The following KCNA6 variants were observed in gnomAD, a reference collection of about 807,000 sequenced individuals.
KCNA6 encodes the protein potassium voltage-gated channel subfamily A member 6.
In KCNA6, 17 loss-of-function variants were observed where a neutral mutation model predicts 29.5. The ratio of observed to expected loss-of-function variants is 0.58; its 90% CI spans 0.39 to 0.86. KCNA6 has a LOEUF of 0.86. Among genes scored for constraint, KCNA6 ranks in the 40% least tolerant of loss-of-function variants. The pLI is 0.00. For missense variants in KCNA6, 450 were observed against 703.4 expected (o/e 0.64, Z 4.07); for synonymous variants, 296 against 304.7 (o/e 0.97, Z 0.30).
the KCNA6 span, among the ~76,000 whole-genome samples, chr12:4,820,306 C>T: frequency 2.0e-5 from 3 of 152,000 alleles, no homozygotes; most frequent in African/African-American, 7.3e-5. Context: ...TGTTTCCAGC[C>T]AAACTAGAAT....
downstream of KCNA6, chr12:4,813,537 C>T (rs1741103787): frequency 6.0e-6 from 1 of 167,060 alleles, no homozygotes; most frequent in Admixed American, 6.5e-5. Flanking sequence ...GGACTGAGCC[C>T]CTCAGCCTTT....
chr12:4,831,745 T>C, the KCNA6 span, among the ~76,000 whole-genome samples: 1 of 152,244 alleles, frequency 6.6e-6, no homozygotes, highest in African/African-American at 2.4e-5. Context: ...AAATAATCTC[T>C]TATGAGAGCT....
chr12:4,832,602 C>T, the KCNA6 span, among the ~76,000 whole-genome samples: 1 of 152,148 alleles, frequency 6.6e-6, no homozygotes, highest in Admixed American at 6.5e-5. Context: ...ACTGTTTTGT[C>T]CTTGTTATGT....
At chr12:4,847,249 C>T in the KCNA6 span, among the ~76,000 whole-genome samples, 1 of 152,122 alleles carries the variant, frequency 6.6e-6, no homozygotes, top group African/African-American at 2.4e-5. Flanking sequence ...TTTCATGATG[C>T]TATACCTTGA....
exon 1 of KCNA6, chr12:4,809,373 G>A (rs1946596529): frequency 6.6e-6 from 1 of 151,832 alleles, no homozygotes; most frequent in African/African-American, 2.4e-5. Flanking sequence ...GGCGGCGGCA[G>A]CGAAGCCTTG....
At chr12:4,818,943 CACAT>C in the KCNA6 span, among the ~76,000 whole-genome samples, 4 of 152,080 alleles carry the variant, frequency 2.6e-5, no homozygotes, top group African/African-American at 7.2e-5. Flanking sequence ...CAAAAACACA[CACAT>C]ACACATATAT....
At chr12:4,838,564 C>G in the KCNA6 span, among the ~76,000 whole-genome samples, 8 of 152,210 alleles carry the variant, frequency 5.3e-5, no homozygotes, top group Non-Finnish European at 1.2e-4. Context: ...ATGAGAAACT[C>G]TGTTATGTCT....
At chr12:4,817,403 G>A (rs1946692809), downstream of KCNA6, among the ~76,000 whole-genome samples, 1 of 152,132 alleles carries the variant, frequency 6.6e-6, no homozygotes, top group African/African-American at 2.4e-5. Flanking sequence ...TCCTGTGCTG[G>A]CCTTGAGTGA....
the KCNA6 span, among the ~76,000 whole-genome samples, chr12:4,835,954 T>G: frequency 6.6e-6 from 1 of 150,792 alleles, no homozygotes; most frequent in Non-Finnish European, 1.5e-5. Flanking sequence ...TTTTTTTTTT[T>G]TTTTGACGGA....
At chr12:4,814,864 T>C (rs527282543), downstream of KCNA6, 7 of 166,580 alleles carry the variant, frequency 4.2e-5, no homozygotes, top group East Asian at 1.3e-3. This position sits in a 1 kb window ranked among gnomAD's most constrained non-coding sequence, Gnocchi z 4.6. Context: ...AGAGAGAAAG[T>C]GGGGAAGCGT....
the KCNA6 span, among the ~76,000 whole-genome samples, chr12:4,832,752 T>C: frequency 6.6e-6 from 1 of 152,110 alleles, no homozygotes; most frequent in Admixed American, 6.5e-5. Flanking sequence ...TCCTCATGAC[T>C]CGAAATCCTA....
At chr12:4,828,700 C>CAGAAGT in the KCNA6 span, among the ~76,000 whole-genome samples, 1 of 152,170 alleles carries the variant, frequency 6.6e-6, no homozygotes, top group African/African-American at 2.4e-5. Context: ...CTCCATTTCA[C>CAGAAGT]AGAAGTAGCT....
chr12:4,809,832 C>T (rs1293734166), exon 1 of KCNA6: 9 of 524,604 alleles, frequency 1.7e-5, no homozygotes, highest in Admixed American at 3.7e-5. Flanking sequence ...ACCAAATCCC[C>T]AGCGCCCAGG....
the KCNA6 span, among the ~76,000 whole-genome samples, chr12:4,821,635 A>G: frequency 6.6e-6 from 1 of 152,176 alleles, no homozygotes; most frequent in African/African-American, 2.4e-5. Context: ...ACATTAAGAA[A>G]TACTGGAATA....
At chr12:4,830,253 A>G in the KCNA6 span, among the ~76,000 whole-genome samples, 1 of 152,170 alleles carries the variant, frequency 6.6e-6, no homozygotes, top group Non-Finnish European at 1.5e-5. Context: ...CCGTGGTCTG[A>G]GGACAGAGAC....
exon 1 of KCNA6, chr12:4,809,880 T>G (rs958272470): frequency 1.3e-6 from 1 of 769,774 alleles, no homozygotes; most frequent in Non-Finnish European, 2.0e-6. Flanking sequence ...GACCAGGGCT[T>G]TAGGGCTCAC....
chr12:4,826,715 C>G, the KCNA6 span, among the ~76,000 whole-genome samples: 1 of 152,236 alleles, frequency 6.6e-6, no homozygotes, highest in Admixed American at 6.5e-5. Context: ...GTGTATTAAT[C>G]AGATGTGCAG....
At chr12:4,842,059 G>GTGTC in the KCNA6 span, among the ~76,000 whole-genome samples, 1 of 134,658 alleles carries the variant, frequency 7.4e-6, no homozygotes, top group Non-Finnish European at 1.7e-5. Flanking sequence ...GTGTGTGTGT[G>GTGTC]TGTCTGCTGA....
At chr12:4,817,370 C>G (rs2137583899), downstream of KCNA6, among the ~76,000 whole-genome samples, 1 of 152,260 alleles carries the variant, frequency 6.6e-6, no homozygotes, top group Middle Eastern at 3.4e-3. Context: ...TCTCATCTTG[C>G]CAGGTCTCCT....
Sources: allele counts gnomAD v4.1 joint callset (sites outside exome capture counted in the v4.1 genomes callset), GRCh38; gene constraint gnomAD v4.1.1; non-coding constraint Gnocchi (gnomAD v3.1); transcripts MANE v1.5; gene names NCBI Gene and HGNC (gene_info 2026-07-23, HGNC 2026-07-21).